The following TACC1 variants were observed in gnomAD, a reference collection of about 807,000 sequenced individuals.
TACC1 encodes transforming acidic coiled-coil containing protein 1, also known as transforming acidic coiled-coil-containing protein 1.
TACC1 carries 48 observed loss-of-function variants against 84.4 expected under a neutral mutation model. The observed-to-expected ratio is 0.57, with a 90% CI of 0.45 to 0.72. TACC1 has a LOEUF of 0.72. TACC1 is among the 30% of genes least tolerant of loss of function. The probability of loss-of-function intolerance (pLI) is 0.00; values close to 1 mark genes in which losing one functional copy is unlikely to be tolerated. For synonymous variants in TACC1, 372 were observed against 376.3 expected, an observed-to-expected ratio of 0.99 and a Z score of 0.13; for missense variants, 920 against 973.0, an observed-to-expected ratio of 0.95 and a Z score of 0.72.
At chr8:38,809,647 G>A (rs957164638) in intron 2 of TACC1, among the ~76,000 whole-genome samples, 2 of 152,134 alleles carry the variant, frequency 1.3e-5, no homozygotes, top group African/African-American at 2.4e-5. Context: ...TAGAAAGCTA[G>A]GAGAGAGTTT....
At chr8:38,755,031 G>A (rs1306979867) in intron 3 of TACC1, among the ~76,000 whole-genome samples, 9 of 152,128 alleles carry the variant, frequency 5.9e-5, no homozygotes, top group East Asian at 1.9e-4. Context: ...GTGATGGTGC[G>A]CGCCTGTAGT....
At chr8:38,753,662 C>A (rs1354390384) in intron 3 of TACC1, among the ~76,000 whole-genome samples, 1 of 152,184 alleles carries the variant, frequency 6.6e-6, no homozygotes, top group African/African-American at 2.4e-5. Context: ...TTCACAAAGA[C>A]AACACTTCCC....
intron 3 of TACC1, among the ~76,000 whole-genome samples, chr8:38,752,338 GC>G (rs1305798019): frequency 6.6e-6 from 1 of 152,120 alleles, no homozygotes. Flanking sequence ...AGATGTGGTG[GC>G]GTGTGCCTGT....
At chr8:38,811,386 C>A (rs1824095619) in intron 2 of TACC1, among the ~76,000 whole-genome samples, 1 of 152,210 alleles carries the variant, frequency 6.6e-6, no homozygotes, top group South Asian at 2.1e-4. Flanking sequence ...GCTTATCACC[C>A]AGCCTTATCA....
chr8:38,760,688 T>C (rs1027204323), intron 3 of TACC1, among the ~76,000 whole-genome samples: 4 of 152,104 alleles, frequency 2.6e-5, no homozygotes, highest in African/African-American at 9.7e-5. Flanking sequence ...CATGCCCGGC[T>C]AGTTTTTATT....
At chr8:38,803,369 C>G (rs1486586459) in intron 2 of TACC1, among the ~76,000 whole-genome samples, 1 of 152,168 alleles carries the variant, frequency 6.6e-6, no homozygotes, top group African/African-American at 2.4e-5. Context: ...AACATTCAGT[C>G]TTTTATCATT....
In TACC1 at chr8:38,852,451, T is replaced by C. The variant is rs1244464442; in HGVS notation, c.*4428T>C. 6.5e-6 allele frequency: 1 copy of C among 153,268 alleles called. No individual in the cohort carries two copies. The highest frequency in any genetic ancestry group is 1.9e-4 in the East Asian group (1 of 5,208). 9.5% of individuals were successfully genotyped at this position (153,268 alleles called of 1,614,324 possible). On this transcript the variant is annotated 3_prime_UTR_variant, in exon 13 of 13. Coordinates refer to ENST00000317827, the MANE Select transcript of TACC1 (RefSeq NM_006283.3). The stretch of plus-strand genomic sequence containing the variant: ...ATGTCACTTTCTCCCCCTCTGCCTT[T>C]TAGTGGTATCTGACATATACTCAAA...
intron 2 of TACC1, among the ~76,000 whole-genome samples, chr8:38,802,552 G>A (rs145221980): frequency 5.9e-5 from 9 of 152,192 alleles, no homozygotes; most frequent in East Asian, 1.9e-4. Flanking sequence ...CCATGAAACC[G>A]GTCCCTGGTG....
At chr8:38,742,115 A>G (rs1477583367) in intron 1 of TACC1, among the ~76,000 whole-genome samples, 1 of 152,204 alleles carries the variant, frequency 6.6e-6, no homozygotes, top group Admixed American at 6.5e-5. Flanking sequence ...TCTGGAAACC[A>G]CCTACTGATT....
At chr8:38,774,393 G>T (rs886627931) in intron 3 of TACC1, among the ~76,000 whole-genome samples, 1 of 152,016 alleles carries the variant, frequency 6.6e-6, no homozygotes, top group Non-Finnish European at 1.5e-5. Flanking sequence ...GGCTGGCAAA[G>T]CTTGGTCATT....
chr8:38,822,289 A>G (rs1304329874), intron 3 of TACC1, among the ~76,000 whole-genome samples: 1 of 151,936 alleles, frequency 6.6e-6, no homozygotes, highest in Non-Finnish European at 1.5e-5. Flanking sequence ...GTGTAACACA[A>G]TGGTAAGTAT....
intron 3 of TACC1, among the ~76,000 whole-genome samples, chr8:38,772,823 CTTG>C (rs746730512): frequency 1.1e-3 from 171 of 151,674 alleles, no homozygotes; most frequent in Admixed American, 2.7e-3. Context: ...TAAATTGATA[CTTG>C]TTAACATTAA....
Position 38,819,524 on chromosome 8 carries a change from T to G in TACC1, c.280T>G (p.Ser94Ala), listed in dbSNP as rs1049360423. ...LAGPGAKSQESQEADEQLVAE... is the reference protein window; with the variant it reads ...LAGPGAKSQEAQEADEQLVAE... ...ATGGTTTTTGTGTTTCATTTTAGAA[T>G]CACAAGAAGCTGATGAACAGCTTGT... The change falls in exon 3 of 13, where the codon TCA (serine) becomes GCA (alanine). Residue 94 changes from serine (S) to alanine (A), a missense_variant and splice_region_variant. Ser to Ala is a moderately conservative substitution (Grantham distance 99, BLOSUM62 1). Transcript: ENST00000317827. 1.3e-6 allele frequency: 2 copies of G among 1,595,938 alleles called. No homozygotes were observed. Among genetic ancestry groups the G allele is most frequent in the Non-Finnish European group, 1.7e-6 (2 of 1,169,502 alleles).
intron 12 of TACC1, 114 bp from the exon 13 acceptor site, chr8:38,847,841 C>T: frequency 1.3e-6 from 1 of 771,956 alleles, no homozygotes; most frequent in Non-Finnish European, 2.1e-6. Flanking sequence ...AGTTAAAAAT[C>T]ACTGAATTAG....
chr8:38,753,936 C>CTT (rs1563270935), intron 3 of TACC1, among the ~76,000 whole-genome samples: 3 of 59,302 alleles, frequency 5.1e-5, no homozygotes, highest in Non-Finnish European at 1.2e-4. Context: ...TTTCTTCTTT[C>CTT]TCTCTCTCTC....
Position 38,846,739 on chromosome 8 carries a change from G to T in TACC1, c.2269G>T (p.Ala757Ser). The T allele has an allele frequency of 6.2e-7, 1 of 1,614,166 alleles. No homozygotes were observed. The highest frequency in any genetic ancestry group is 8.5e-7 in the Non-Finnish European group (1 of 1,180,020). The part of the protein sequence containing the change: ...EIAQVRTKAK[A>S]ESAALHAGLR... ...TGCTCAGGTTCGAACAAAAGCAAAG[G>T]CTGAGAGTGCAGCTCTCCATGCTGG... The change falls in exon 12 of 13, where the codon GCT (alanine) becomes TCT (serine). Residue 757 changes from alanine (A) to serine (S), a missense_variant. This residue lies in a region of TACC1 where 158 missense variants were observed against 225.6 expected (regional missense o/e 0.70). Transcript: ENST00000317827.
intron 3 of TACC1, among the ~76,000 whole-genome samples, chr8:38,747,866 A>G (rs1808350351): frequency 1.3e-5 from 2 of 152,240 alleles, no homozygotes; most frequent in South Asian, 4.1e-4. Flanking sequence ...TTGGATAATA[A>G]TGATACATCA....
intron 2 of TACC1, among the ~76,000 whole-genome samples, chr8:38,818,878 A>C (rs1826039920): frequency 6.6e-6 from 1 of 151,850 alleles, no homozygotes; most frequent in South Asian, 2.1e-4. Flanking sequence ...CCCGGGTTCA[A>C]GTGATTCTCC....
rs528215892 is a variant in TACC1, at chr8:38,808,706, G to T, written c.278-10816G>T. Among the ~76,000 whole-genome samples the T allele has an allele frequency of 3.3e-5, 5 of 152,334 alleles. No individual in the cohort carries two copies. In the South Asian group the frequency reaches 1.0e-3, roughly 32 times the overall value. On this transcript the variant is annotated intron_variant, in intron 2 of 12. Transcript: ENST00000317827. ...GTTGGGATTACAGGCGTGAGCTGCT[G>T]GTCCTGGCCTAGTGTTTTAGGGCAG... is the stretch of plus-strand genomic sequence containing the variant.
Sources: gnomAD v4.1 joint callset for allele counts (sites outside exome capture counted in the v4.1 genomes callset) on GRCh38, gnomAD v4.1.1 for gene constraint, gnomAD v4.1.1 regional missense constraint, MANE v1.5 for transcripts, NCBI Gene and HGNC (gene_info 2026-07-23, HGNC 2026-07-21) for gene names.